Variants in EGFLAM observed in about 807,000 individuals in gnomAD.
EGFLAM encodes the protein EGF like, fibronectin type III and laminin G domains.
In EGFLAM, 79 loss-of-function variants were observed where a neutral mutation model predicts 113.1. That is an observed-to-expected ratio of 0.70 (90% CI 0.58 to 0.84). The LOEUF is 0.84. EGFLAM is among the 40% of genes least tolerant of loss of function. The probability of loss-of-function intolerance (pLI) is 0.00; values close to 1 mark genes in which losing one functional copy is unlikely to be tolerated. For synonymous variants in EGFLAM, 504 were observed against 487.6 expected (o/e 1.03, Z -0.44); for missense variants, 1,265 against 1,291.6 (o/e 0.98, Z 0.32).
intron 6 of EGFLAM, chr5:38,400,040 A>C (rs1741065898): frequency 6.6e-6 from 1 of 152,186 alleles, no homozygotes; most frequent in Non-Finnish European, 1.5e-5. Context: ...GGATCACAGA[A>C]TGTTAGTGCT....
rs569069435 is a variant in EGFLAM, at chr5:38,388,922, A to AAAC, written c.713-17202_713-17201insCAA. On this transcript the variant is annotated intron_variant, in intron 6 of 21. Coordinates refer to ENST00000322350, the MANE Select transcript of EGFLAM (RefSeq NM_152403.4). ...AGAGCAAGACCCTGTCTCAAGAAAA[A>AAAC]AAAAAAAAAACAAAAAAAAATGCAA... is the stretch of plus-strand genomic sequence containing the variant. 5.8e-4 allele frequency among the ~76,000 whole-genome samples: 79 copies of AAAC among 137,040 alleles called. No homozygotes were observed. The South Asian group carries it at 7.5e-3, about 13-fold the overall frequency. 89.9% of individuals were successfully genotyped at this position (137,040 alleles called of 152,430 possible). A position where few individuals can be genotyped will look rare whatever the true frequency, so the allele number is the denominator to read the frequency against.
chr5:38,355,710 C>T lies in EGFLAM; in HGVS notation c.545+3379C>T, dbSNP rs570556899. ...TACAAGTACAATTCCAATTAAAATG[C>T]GTTTTAACATTTAGAGCTGTCTAAT... On this transcript the variant is annotated intron_variant, in intron 5 of 21. Transcript: ENST00000322350. 3.9e-5 allele frequency among the ~76,000 whole-genome samples: 6 copies of T among 152,108 alleles called. No individual in the cohort carries two copies. In the East Asian group the frequency reaches 5.8e-4, roughly 15 times the overall value.
intron 12 of EGFLAM, among the ~76,000 whole-genome samples, chr5:38,418,642 T>C (rs1741731910): frequency 1.3e-5 from 2 of 152,300 alleles, no homozygotes; most frequent in African/African-American, 4.8e-5. Flanking sequence ...TCATACACTC[T>C]CTGTTTCTTA....
chr5:38,326,119 G>T (rs192990659), intron 1 of EGFLAM, among the ~76,000 whole-genome samples: 1 of 152,136 alleles, frequency 6.6e-6, no homozygotes, highest in Admixed American at 6.6e-5. Context: ...GAGGGCTAGA[G>T]CCCTGGTCTT....
At chr5:38,359,153 G>A (rs1208917654) in intron 5 of EGFLAM, among the ~76,000 whole-genome samples, 1 of 152,184 alleles carries the variant, frequency 6.6e-6, no homozygotes, top group African/African-American at 2.4e-5. Flanking sequence ...TGGTGGCAAT[G>A]AAAACCAAAA....
At chr5:38,322,869 A>G (rs1212642492) in intron 1 of EGFLAM, among the ~76,000 whole-genome samples, 1 of 152,134 alleles carries the variant, frequency 6.6e-6, no homozygotes, top group African/African-American at 2.4e-5. Context: ...AGTGACTGGC[A>G]ACTTCTTTAA....
chr5:38,272,321 A>G (rs1336342674), intron 1 of EGFLAM, among the ~76,000 whole-genome samples: 1 of 152,184 alleles, frequency 6.6e-6, no homozygotes, highest in Non-Finnish European at 1.5e-5. Context: ...GAAAAGTAGT[A>G]GGTGGGGAGG....
At chr5:38,314,232 T>C (rs1437049966) in intron 1 of EGFLAM, among the ~76,000 whole-genome samples, 2 of 152,246 alleles carry the variant, frequency 1.3e-5, no homozygotes, top group Non-Finnish European at 2.9e-5. Flanking sequence ...TAATGTTATC[T>C]GTTGAATAAT....
At chr5:38,433,825 C>T (rs1742262742) in intron 15 of EGFLAM, among the ~76,000 whole-genome samples, 1 of 152,198 alleles carries the variant, frequency 6.6e-6, no homozygotes, top group Non-Finnish European at 1.5e-5. Flanking sequence ...AGCCTTTATA[C>T]TTCTTTGTTA....
chr5:38,428,724 C>T (rs2112198630), intron 14 of EGFLAM, among the ~76,000 whole-genome samples: 1 of 152,344 alleles, frequency 6.6e-6, no homozygotes, highest in Non-Finnish European at 1.5e-5. Context: ...TGTGGGGTCA[C>T]AAGCACATGG....
intron 1 of EGFLAM, among the ~76,000 whole-genome samples, chr5:38,263,627 TG>T (rs938731546): frequency 1.3e-5 from 2 of 152,198 alleles, no homozygotes; most frequent in Non-Finnish European, 2.9e-5. Context: ...TCTTTCAAAA[TG>T]TAGAAGATTT....
At chr5:38,387,678 C>T (rs1044047685) in intron 6 of EGFLAM, among the ~76,000 whole-genome samples, 2 of 152,264 alleles carry the variant, frequency 1.3e-5, no homozygotes, top group Admixed American at 6.5e-5. Context: ...AGCTGCGCTC[C>T]TGGTTCCTCC....
At chr5:38,322,118 T>C (rs1017813462) in intron 1 of EGFLAM, among the ~76,000 whole-genome samples, 2 of 152,106 alleles carry the variant, frequency 1.3e-5, no homozygotes, top group African/African-American at 4.8e-5. Flanking sequence ...CTGAAGGATG[T>C]TCATATGCAC....
chr5:38,463,010 G>C lies in EGFLAM; in HGVS notation c.2874G>C (p.Val958=). 6.2e-7 allele frequency: 1 copy of C among 1,612,826 alleles called. No individual in the cohort carries two copies. Among genetic ancestry groups the C allele is most frequent in the Non-Finnish European group, 8.5e-7 (1 of 1,179,138 alleles). Residue 958 remains valine (V), a splice_region_variant and synonymous_variant, in exon 21 of 22, where the codon GTG becomes GTC. Transcript: ENST00000322350. ...RQLNINGALY[V]GGMKEIALHT... The stretch of plus-strand genomic sequence containing the variant: ...TTAACATCAATGGAGCTCTGTATGT[G>C]GGTAAGTGACCGACCCTCGACCAAA...
chr5:38,444,817 T>A (rs999232312), intron 17 of EGFLAM, among the ~76,000 whole-genome samples: 1 of 152,098 alleles, frequency 6.6e-6, no homozygotes, highest in Non-Finnish European at 1.5e-5. Flanking sequence ...TGATGGCACA[T>A]GCCTATAGTC....
chr5:38,399,574 G>C (rs189856566), intron 6 of EGFLAM, among the ~76,000 whole-genome samples: 1 of 152,036 alleles, frequency 6.6e-6, no homozygotes, highest in Non-Finnish European at 1.5e-5. Context: ...CACTGCACCC[G>C]GCCCCCAAGG....
intron 20 of EGFLAM, 29 bp from the exon 21 acceptor site, chr5:38,462,879 T>C: frequency 6.2e-7 from 1 of 1,612,530 alleles, no homozygotes; most frequent in Non-Finnish European, 8.5e-7. Flanking sequence ...GCCAGGCTTT[T>C]TGTTCTTTTT....
rs558556407 is a variant in EGFLAM, at chr5:38,259,084, G to C, written c.97+233G>C. On this transcript the variant is annotated intron_variant, in intron 1 of 21. Coordinates refer to ENST00000322350, the MANE Select transcript of EGFLAM (RefSeq NM_152403.4). ...AATGATCAATTTTCCAGACATAGTAGATAGAGGTGGTGGTCCCCGTGTTTG... is the reference window on the plus strand; with the variant it reads ...AATGATCAATTTTCCAGACATAGTACATAGAGGTGGTGGTCCCCGTGTTTG... 1.8e-4 allele frequency among the ~76,000 whole-genome samples: 28 copies of C among 152,370 alleles called. No homozygotes were observed. The South Asian group carries it at 5.4e-3, about 29-fold the overall frequency.
intron 20 of EGFLAM, chr5:38,462,531 C>T: frequency 5.3e-6 from 1 of 188,252 alleles, no homozygotes; most frequent in Non-Finnish European, 1.1e-5. Context: ...ACTTACCTAC[C>T]CAGCCTACAA....
Sources: gnomAD v4.1 joint callset for allele counts (sites outside exome capture counted in the v4.1 genomes callset) on GRCh38, gnomAD v4.1.1 for gene constraint, MANE v1.5 for transcripts, NCBI Gene and HGNC (gene_info 2026-07-23, HGNC 2026-07-21) for gene names.